Variants in GAN observed in about 807,000 individuals in gnomAD.
The protein encoded by GAN is gigaxonin, also known as epididymis secretory sperm binding protein.
In GAN, 48 loss-of-function variants were observed where a neutral mutation model predicts 71.3. That is an observed-to-expected ratio of 0.67 (90% CI 0.53 to 0.86). The LOEUF is 0.86. Ranked by LOEUF, GAN falls within the 40% of genes least tolerant of loss-of-function variation. The pLI, the probability that GAN is intolerant of heterozygous loss-of-function variation, is 0.00. For missense variants in GAN, 928 were observed against 770.1 expected (o/e 1.21, Z -2.43); for synonymous variants, 386 against 276.8 (o/e 1.39, Z -3.92).
chr16:81,368,341 A>G (rs1454598710), intron 9 of GAN, among the ~76,000 whole-genome samples: 1 of 152,226 alleles, frequency 6.6e-6, no homozygotes, highest in Non-Finnish European at 1.5e-5. Flanking sequence ...GCTGACACCT[A>G]TAATCCCAGA....
chr16:81,315,371 C>G, intron 1 of GAN, 91 bp downstream of exon 1: 4 of 906,906 alleles, frequency 4.4e-6, no homozygotes, highest in Non-Finnish European at 5.8e-6. Context: ...CAGACCCTGT[C>G]CCCTGTCCCC....
In GAN at chr16:81,380,089, G is replaced by A. The variant is rs1042673587; in HGVS notation, c.*2493G>A. 1 of 152,508 alleles carries A rather than the reference G, an allele frequency of 6.6e-6. No homozygotes were observed. The highest frequency in any genetic ancestry group is 1.5e-5 in the Non-Finnish European group (1 of 68,012). The allele number at this position is 152,508 out of a possible 1,614,324, so 9.4% of individuals were successfully genotyped here. A position where few individuals can be genotyped will look rare whatever the true frequency, so the allele number is the denominator to read the frequency against. On this transcript the variant is annotated 3_prime_UTR_variant, in exon 11 of 11. Coordinates refer to ENST00000648994, the MANE Select transcript of GAN (RefSeq NM_022041.4). ...AAATATTGTGTTGAAGTATAGGGATGTATTTAATTTTACTATGCTCCAACA... is the reference window on the plus strand; with the variant it reads ...AAATATTGTGTTGAAGTATAGGGATATATTTAATTTTACTATGCTCCAACA...
intron 1 of GAN, among the ~76,000 whole-genome samples, chr16:81,335,270 A>G (rs941183271): frequency 4.5e-4 from 69 of 152,184 alleles, no homozygotes; most frequent in Admixed American, 1.1e-3. Context: ...CTGTTTTTTT[A>G]TAAAGCTCTC....
rs976312104 is a variant in GAN, at chr16:81,381,121, C to T, written c.*3525C>T. The T allele has an allele frequency of 6.6e-6, 1 of 152,062 alleles. No individual in the cohort carries two copies. Among genetic ancestry groups the T allele is most frequent in the Non-Finnish European group, 1.5e-5 (1 of 68,004 alleles). 9.4% of individuals were successfully genotyped at this position (152,062 alleles called of 1,614,324 possible). A position where few individuals can be genotyped will look rare whatever the true frequency, so the allele number is the denominator to read the frequency against. ...ATAGGAAATACATTCTTTGTACAAACGTGGTAAAGAGAGGACTGGCTTTGC... is the reference window on the plus strand; with the variant it reads ...ATAGGAAATACATTCTTTGTACAAATGTGGTAAAGAGAGGACTGGCTTTGC... On this transcript the variant is annotated 3_prime_UTR_variant, in exon 11 of 11. Transcript: ENST00000648994.
rs1226659286 is a variant in GAN at position 81,354,497 on chromosome 16, G to A, written c.375G>A (p.Leu125=). Residue 125 remains leucine (L), a synonymous_variant, in exon 3 of 11, where the codon TTG becomes TTA. Coordinates refer to ENST00000648994, the MANE Select transcript of GAN (RefSeq NM_022041.4). ...TDLKTLCCEF[L]EGCIAAENCI... is the part of the protein sequence containing the mutation. ...TTAAAACCCTGTGCTGTGAGTTTTT[G>A]GAAGGCTGCATTGCTGCTGAGAACT... 1 of 1,614,042 alleles carries A rather than the reference G, an allele frequency of 6.2e-7. No homozygotes were observed. Among genetic ancestry groups the A allele is most frequent in the Non-Finnish European group, 8.5e-7 (1 of 1,179,906 alleles).
chr16:81,353,433 A>G (rs903889326), intron 2 of GAN, among the ~76,000 whole-genome samples: 14 of 152,150 alleles, frequency 9.2e-5, no homozygotes, highest in Non-Finnish European at 1.9e-4. Flanking sequence ...TCTTGTGGCT[A>G]AATATAATGT....
chr16:81,365,980 G>A (rs1176303998), intron 9 of GAN, among the ~76,000 whole-genome samples: 1 of 152,092 alleles, frequency 6.6e-6, no homozygotes, highest in Non-Finnish European at 1.5e-5. Context: ...TTTATACCGA[G>A]CCACTTTCCC....
rs140921966 is a variant in GAN, at chr16:81,359,162, T to C, written c.973+1231T>C. 4.0e-5 allele frequency among the ~76,000 whole-genome samples: 6 copies of C among 151,686 alleles called. No individual in the cohort carries two copies. In the East Asian group the frequency reaches 1.2e-3, roughly 29 times the overall value. ...TATAGCCTGCAGGATGTAGGTCTAG[T>C]TTCCCTGTTGCATCTTCTCAGAATT... is the stretch of plus-strand genomic sequence containing the variant. On this transcript the variant is annotated intron_variant, in intron 5 of 10. Transcript: ENST00000648994.
rs554222789 is a variant in GAN at position 81,381,748 on chromosome 16, A to G, written c.*4152A>G. On this transcript the variant is annotated 3_prime_UTR_variant, in exon 11 of 11. Transcript: ENST00000648994. ...TAGGTAGGCAATAAACATTTGACAAATAAATATAAGATTCTTGTGATCAAA... is the reference window on the plus strand; with the variant it reads ...TAGGTAGGCAATAAACATTTGACAAGTAAATATAAGATTCTTGTGATCAAA... 8 of 152,366 alleles carry G rather than the reference A, an allele frequency of 5.3e-5. No individual in the cohort carries two copies. The highest frequency in any genetic ancestry group is 1.9e-4 in the African/African-American group (8 of 41,588). The allele number at this position is 152,366 out of a possible 1,614,324, so 9.4% of individuals were successfully genotyped here. A position where few individuals can be genotyped will look rare whatever the true frequency, so the allele number is the denominator to read the frequency against.
chr16:81,348,479 G>C (rs2150682086), intron 1 of GAN, among the ~76,000 whole-genome samples: 1 of 152,102 alleles, frequency 6.6e-6, no homozygotes, highest in South Asian at 2.1e-4. Flanking sequence ...GATTTTAAGA[G>C]CAGTGCTCTA....
At chr16:81,316,795 C>T (rs1410218206) in intron 1 of GAN, among the ~76,000 whole-genome samples, 1 of 152,194 alleles carries the variant, frequency 6.6e-6, no homozygotes, top group African/African-American at 2.4e-5. Context: ...TGACGTACCC[C>T]ATATTTTACA....
chr16:81,375,517 A>G (rs577421475), intron 9 of GAN, among the ~76,000 whole-genome samples: 11 of 152,010 alleles, frequency 7.2e-5, no homozygotes, highest in African/African-American at 2.4e-4. Flanking sequence ...TGTAAAGACA[A>G]GGTTTCGCCA....
In GAN at chr16:81,388,422, C is replaced by G. The variant is rs138786950; in HGVS notation, c.*10826C>G. ...CTGGCCCTGGCTGTGAGAGTCAGATCTGTCCCCAAGGCTCCAGGTCAGAAC... is the reference window on the plus strand; with the variant it reads ...CTGGCCCTGGCTGTGAGAGTCAGATGTGTCCCCAAGGCTCCAGGTCAGAAC... On this transcript the variant is annotated 3_prime_UTR_variant, in exon 11 of 11. Coordinates refer to ENST00000648994, the MANE Select transcript of GAN (RefSeq NM_022041.4). 2.1e-3 allele frequency: 316 copies of G among 152,686 alleles called. 1 individual carries two copies. The highest frequency in any genetic ancestry group is 7.3e-3 in the African/African-American group (304 of 41,576). The allele number at this position is 152,686 out of a possible 1,614,324, so 9.5% of individuals were successfully genotyped here.
intron 9 of GAN, among the ~76,000 whole-genome samples, chr16:81,372,696 G>A (rs748246776): frequency 6.6e-6 from 1 of 152,214 alleles, no homozygotes; most frequent in Non-Finnish European, 1.5e-5. Flanking sequence ...TTCCGGGGAT[G>A]AACTATGTTG....
At chr16:81,354,873 T>C in intron 3 of GAN, 118 bp downstream of exon 3, 3 of 677,570 alleles carry the variant, frequency 4.4e-6, no homozygotes, top group Non-Finnish European at 7.8e-6. Context: ...ATCTAAAAGA[T>C]ACCTGTAAAA....
rs922285941 is a variant in GAN, at chr16:81,389,693, C to T, written c.*12097C>T. 1 of 152,200 alleles carries T rather than the reference C, an allele frequency of 6.6e-6. No homozygotes were observed. Among genetic ancestry groups the T allele is most frequent in the Non-Finnish European group, 1.5e-5 (1 of 68,044 alleles). The allele number at this position is 152,200 out of a possible 1,614,324, so 9.4% of individuals were successfully genotyped here. ...GTCTTCTGCCATGAAAGAGAACTAT[C>T]AAGGAAATTCCTGAAAACAAGATTT... On this transcript the variant is annotated 3_prime_UTR_variant, in exon 11 of 11. Transcript: ENST00000648994.
Position 81,382,976 on chromosome 16 carries a change from T to C in GAN, c.*5380T>C, listed in dbSNP as rs1310746492. On this transcript the variant is annotated 3_prime_UTR_variant, in exon 11 of 11. Coordinates refer to ENST00000648994, the MANE Select transcript of GAN (RefSeq NM_022041.4). The stretch of plus-strand genomic sequence containing the variant: ...AAAGTTTATTCTTTTTTATTTTATT[T>C]TATTTTTTTAAATTTCTTTTAGAAA... The C allele has an allele frequency of 2.0e-5, 3 of 152,086 alleles. No homozygotes were observed. The highest frequency in any genetic ancestry group is 7.2e-5 in the African/African-American group (3 of 41,440). The allele number at this position is 152,086 out of a possible 1,614,324, so 9.4% of individuals were successfully genotyped here. A position where few individuals can be genotyped will look rare whatever the true frequency, so the allele number is the denominator to read the frequency against.
intron 1 of GAN, among the ~76,000 whole-genome samples, chr16:81,326,770 C>T (rs905144927): frequency 2.6e-5 from 4 of 152,158 alleles, no homozygotes; most frequent in Non-Finnish European, 5.9e-5. Flanking sequence ...TAGGCAGTTA[C>T]AACACAGCGG....
chr16:81,366,120 C>G (rs1288140741), intron 9 of GAN, among the ~76,000 whole-genome samples: 2 of 152,134 alleles, frequency 1.3e-5, no homozygotes, highest in East Asian at 3.8e-4. Context: ...CTAGAGAAAG[C>G]CTTCTCATGC....
Sources: gnomAD v4.1 joint callset for allele counts (sites outside exome capture counted in the v4.1 genomes callset) on GRCh38, gnomAD v4.1.1 for gene constraint, MANE v1.5 for transcripts, NCBI Gene and HGNC (gene_info 2026-07-23, HGNC 2026-07-21) for gene names.